DOCK2: variants seen among roughly 807,000 people sequenced by gnomAD.
DOCK2 encodes the protein dedicator of cytokinesis 2.
Under a neutral mutation model 248.9 loss-of-function variants are expected in DOCK2, and 87 were observed. The observed-to-expected ratio is 0.35, with a 90% CI of 0.29 to 0.42. The LOEUF (loss-of-function observed/expected upper bound fraction) is 0.42, where lower values mean the gene tolerates loss of function less well. DOCK2 is among the 10% of genes least tolerant of loss of function. The pLI is 1.00. For synonymous variants in DOCK2, 805 were observed against 821.6 expected (o/e 0.98, Z 0.35); for missense variants, 1,747 against 2,300.2 (o/e 0.76, Z 4.92).
At chr5:169,897,422 C>A (rs1256900408) in intron 27 of DOCK2, among the ~76,000 whole-genome samples, 2 of 152,114 alleles carry the variant, frequency 1.3e-5, no homozygotes, top group Non-Finnish European at 2.9e-5. Flanking sequence ...ATCTCCTAAC[C>A]ACATGATCCT....
intron 27 of DOCK2, among the ~76,000 whole-genome samples, chr5:169,946,762 A>C (rs368258960): frequency 6.6e-6 from 1 of 152,224 alleles, no homozygotes; most frequent in Admixed American, 6.5e-5. Flanking sequence ...TGAAAGTCAC[A>C]CAGTAGGATC....
chr5:169,725,222 A>T (rs769553232), intron 22 of DOCK2, among the ~76,000 whole-genome samples: 1 of 152,260 alleles, frequency 6.6e-6, no homozygotes, highest in Non-Finnish European at 1.5e-5. Flanking sequence ...ATGGCTTAGT[A>T]AACTGAACAA....
chr5:169,909,866 T>C (rs1774497236), intron 27 of DOCK2, among the ~76,000 whole-genome samples: 1 of 152,218 alleles, frequency 6.6e-6, no homozygotes, highest in Non-Finnish European at 1.5e-5. Context: ...ACATACTTTA[T>C]GGTGAATATC....
intron 33 of DOCK2, among the ~76,000 whole-genome samples, chr5:170,021,261 C>A (rs1438909697): frequency 2.6e-5 from 4 of 152,212 alleles, no homozygotes; most frequent in Non-Finnish European, 5.9e-5. Context: ...TTGGAATTTG[C>A]TGCCTTTTAA....
rs11954171 is a variant in DOCK2, at chr5:169,650,138, T to C, written c.44-4265T>C. 3.0e-3 allele frequency among the ~76,000 whole-genome samples: 459 copies of C among 152,320 alleles called. 1 individual carries two copies. The highest frequency in any genetic ancestry group is 0.011 in the African/African-American group (443 of 41,562). On this transcript the variant is annotated intron_variant, in intron 1 of 51. Transcript: ENST00000520908. ...TCTGTCTTATCTATCACTGTGACTA[T>C]AGTACTCAGAGCAATATCTAGCACC...
intron 27 of DOCK2, among the ~76,000 whole-genome samples, chr5:169,965,580 G>A (rs1246793978): frequency 6.6e-6 from 1 of 152,164 alleles, no homozygotes; most frequent in African/African-American, 2.4e-5. Context: ...GATCACCCAG[G>A]GAGCGTTAAA....
chr5:169,727,948 A>G, intron 22 of DOCK2, among the ~76,000 whole-genome samples: 1 of 152,212 alleles, frequency 6.6e-6, no homozygotes, highest in East Asian at 1.9e-4. Flanking sequence ...AAAGCAAGAG[A>G]TGGAGACGGG....
chr5:169,746,207 A>G (rs1444474389), intron 22 of DOCK2, among the ~76,000 whole-genome samples: 4 of 152,192 alleles, frequency 2.6e-5, no homozygotes, highest in Admixed American at 1.3e-4. Flanking sequence ...AGAACTAGAT[A>G]TAAAGACATA....
At chr5:169,929,628 T>A (rs867990907) in intron 27 of DOCK2, among the ~76,000 whole-genome samples, 3 of 151,304 alleles carry the variant, frequency 2.0e-5, no homozygotes, top group Non-Finnish European at 4.4e-5. Context: ...CTGTAGTCCC[T>A]GCTACTCGGA....
intron 36 of DOCK2, among the ~76,000 whole-genome samples, chr5:170,038,928 G>A (rs1756414181): frequency 6.6e-6 from 1 of 152,186 alleles, no homozygotes; most frequent in South Asian, 2.1e-4. Flanking sequence ...GCAGAATTAA[G>A]CCATGTGTGC....
At position 169,964,362 on chromosome 5, in the gene DOCK2, C is replaced by T. The variant is rs192743729; in HGVS notation, c.2800-18706C>T. ...AGACTATAAATTTCTTTTCTGTTGC[C>T]TTGGCCTGTCATTGGGAAGACTGGC... On this transcript the variant is annotated intron_variant, in intron 27 of 51. Transcript: ENST00000520908. Among the ~76,000 whole-genome samples the T allele has an allele frequency of 3.3e-5, 5 of 152,260 alleles. No homozygotes were observed. In the East Asian group the frequency reaches 7.7e-4, roughly 24 times the overall value.
Position 169,640,970 on chromosome 5 carries a change from G to A in DOCK2, c.43+3601G>A, listed in dbSNP as rs529331758. 1.8e-4 allele frequency among the ~76,000 whole-genome samples: 28 copies of A among 152,282 alleles called. No homozygotes were observed. The South Asian group carries it at 4.8e-3, about 26-fold the overall frequency. ...AGGAATATTTGTTGGTTTCTTCTGA[G>A]GGCTGAGGGAAAATCTGTTCCAGGT... is the stretch of plus-strand genomic sequence containing the variant. On this transcript the variant is annotated intron_variant, in intron 1 of 51. Coordinates refer to ENST00000520908, the MANE Select transcript of DOCK2 (RefSeq NM_004946.3).
At chr5:169,805,792 T>C (rs1003168288) in intron 26 of DOCK2, among the ~76,000 whole-genome samples, 1 of 152,190 alleles carries the variant, frequency 6.6e-6, no homozygotes, top group African/African-American at 2.4e-5. Context: ...AGTGGGAGGC[T>C]CTGAGCTCCC....
chr5:169,807,027 T>C (rs1481703421), intron 26 of DOCK2, among the ~76,000 whole-genome samples: 1 of 151,944 alleles, frequency 6.6e-6, no homozygotes, highest in Non-Finnish European at 1.5e-5. Flanking sequence ...GTTGGTGAGC[T>C]GGATGGGCTG....
chr5:170,079,099 G>T lies in DOCK2; in HGVS notation c.5119G>T (p.Val1707Leu). 1 of 1,614,114 alleles carries T rather than the reference G, an allele frequency of 6.2e-7. No individual in the cohort carries two copies. Among genetic ancestry groups the T allele is most frequent in the Non-Finnish European group, 8.5e-7 (1 of 1,180,034 alleles). ...RSKKRTKRSSVVFADEKAAAE... is the reference protein window; with the variant it reads ...RSKKRTKRSSLVFADEKAAAE... Reference sequence around the variant, plus strand: ...CAAGAAGAGGACAAAGAGAAGCAGCGTAGTTTTTGCGGATGAGAAAGCAGC... The same window carrying T: ...CAAGAAGAGGACAAAGAGAAGCAGCTTAGTTTTTGCGGATGAGAAAGCAGC... The change falls in exon 49 of 52, where the codon GTA becomes TTA. Residue 1707 changes from valine (V) to leucine (L), a missense_variant. Transcript: ENST00000520908.
intron 26 of DOCK2, among the ~76,000 whole-genome samples, chr5:169,824,403 T>G (rs1161174479): frequency 6.6e-6 from 1 of 152,222 alleles, no homozygotes; most frequent in East Asian, 1.9e-4. Context: ...CAAAACAGCA[T>G]GGTACTGATA....
intron 22 of DOCK2, among the ~76,000 whole-genome samples, chr5:169,731,236 C>T (rs1196314836): frequency 6.6e-6 from 1 of 152,164 alleles, no homozygotes; most frequent in East Asian, 1.9e-4. Flanking sequence ...TGTGTCCACA[C>T]CCAAATCTCA....
At chr5:169,893,321 G>A (rs934514263) in intron 27 of DOCK2, among the ~76,000 whole-genome samples, 5 of 152,168 alleles carry the variant, frequency 3.3e-5, no homozygotes, top group Non-Finnish European at 7.3e-5. Context: ...ACCACCAGAT[G>A]CAACTGCTGG....
At chr5:170,043,284 C>G (rs1756582149) in intron 38 of DOCK2, among the ~76,000 whole-genome samples, 1 of 152,196 alleles carries the variant, frequency 6.6e-6, no homozygotes, top group Non-Finnish European at 1.5e-5. Context: ...GCTAATAGTA[C>G]CTTCTTTCTA....
Sources: gnomAD v4.1 joint callset for allele counts (sites outside exome capture counted in the v4.1 genomes callset) on GRCh38, gnomAD v4.1.1 for gene constraint, MANE v1.5 for transcripts, NCBI Gene and HGNC (gene_info 2026-07-23, HGNC 2026-07-21) for gene names.